Variants in GPT observed in about 807,000 individuals in gnomAD.
The protein encoded by GPT is glutamic--pyruvic transaminase.
GPT carries 60 observed loss-of-function variants against 51.4 expected under a neutral mutation model. The ratio of observed to expected loss-of-function variants is 1.17; its 90% CI spans 0.95 to 1.45. The LOEUF (loss-of-function observed/expected upper bound fraction) is 1.45. Ranked by LOEUF, GPT falls within the 40% of genes most tolerant of loss-of-function variation. GPT has a pLI of 0.00. For synonymous variants in GPT, 397 were observed against 303.1 expected (o/e 1.31, Z -3.22); for missense variants, 853 against 704.0 (o/e 1.21, Z -2.40).
Position 144,505,320 on chromosome 8 carries a change from A to C in GPT, c.570A>C (p.Pro190=), listed in dbSNP as rs768692147. The C allele has an allele frequency of 6.4e-7, 1 of 1,568,488 alleles. No homozygotes were observed. Among genetic ancestry groups the C allele is most frequent in the Non-Finnish European group, 8.6e-7 (1 of 1,157,236 alleles). Reference sequence around the variant, plus strand: ...TGCTCATCCCCATCCCCCAGTACCCACTCTACTCGGCCACGCTGGCAGAGC... The same window carrying C: ...TGCTCATCCCCATCCCCCAGTACCCCCTCTACTCGGCCACGCTGGCAGAGC... ...TGVLIPIPQY[P]LYSATLAELG... The change falls in exon 5 of 11, where the codon CCA becomes CCC. Residue 190 remains proline (P), a synonymous_variant. Coordinates refer to ENST00000394955, the MANE Select transcript of GPT (RefSeq NM_005309.3).
chr8:144,504,218 C>T lies in GPT; in HGVS notation c.-87C>T, dbSNP rs1330239396. On this transcript the variant is annotated 5_prime_UTR_variant, in exon 1 of 11. Transcript: ENST00000394955. Reference sequence around the variant, plus strand: ...TACGGCTGCCCCCTCCCAGCCCTGGCCCACTAAGCCAGACCCAGCTGTCGC... The same window carrying T: ...TACGGCTGCCCCCTCCCAGCCCTGGTCCACTAAGCCAGACCCAGCTGTCGC... 9 of 1,440,802 alleles carry T rather than the reference C, an allele frequency of 6.2e-6. No individual in the cohort carries two copies. Among genetic ancestry groups the T allele is most frequent in the Non-Finnish European group, 8.5e-6 (9 of 1,054,398 alleles). 89.3% of individuals were successfully genotyped at this position (1,440,802 alleles called of 1,614,324 possible). A position where few individuals can be genotyped will look rare whatever the true frequency, so the allele number is the denominator to read the frequency against.
chr8:144,507,114 G>GGGGGGGC lies in GPT; in HGVS notation c.*114_*115insGGGGGGC. 1 of 498,332 alleles carries GGGGGGGC rather than the reference G, an allele frequency of 2.0e-6. No homozygotes were observed. The highest frequency in any genetic ancestry group is 3.9e-6 in the Non-Finnish European group (1 of 254,518). The allele number at this position is 498,332 out of a possible 1,614,324, so 30.9% of individuals were successfully genotyped here. ...TGCCTGGCGGGGTGGGGTGGGGGGG[G>GGGGGGGC]TGCTGGGCCCCTGCCTCTCTGCAGG... On this transcript the variant is annotated 3_prime_UTR_variant, in exon 11 of 11. Coordinates refer to ENST00000394955, the MANE Select transcript of GPT (RefSeq NM_005309.3).
At chr8:144,504,051 G>A (rs1023805542), upstream of GPT, 50 of 562,996 alleles carry the variant, frequency 8.9e-5, no homozygotes, top group South Asian at 2.4e-4. Flanking sequence ...CTCACCCACT[G>A]CCTCTGCCTC....
Position 144,506,272 on chromosome 8 carries a change from G to A in GPT, c.997G>A (p.Asp333Asn), listed in dbSNP as rs764484724. 4 of 1,605,346 alleles carry A rather than the reference G, an allele frequency of 2.5e-6. No homozygotes were observed. Among genetic ancestry groups the A allele is most frequent in the East Asian group, 4.5e-5 (2 of 44,738 alleles). Residue 333 changes from aspartate (D) to asparagine (N), a missense_variant, in exon 8 of 11, where the codon GAC (aspartate) becomes AAC (asparagine). Coordinates refer to ENST00000394955, the MANE Select transcript of GPT (RefSeq NM_005309.3). This position sits in a 1 kb window ranked among gnomAD's most constrained non-coding sequence, Gnocchi z 7.0. ...CGGCTATGTGGAGGTGGTGAACATG[G>A]ACGCTGCAGTGCAGCAGCAGATGCT... ...RGGYVEVVNM[D>N]AAVQQQMLKL...
chr8:144,506,854 G>A lies in GPT; in HGVS notation c.1400+11G>A, dbSNP rs1406125387. ...CACCTACCACTTCCGGTGAGGCCTG[G>A]CCCTCACTCCCTGTCCCGCCACCCT... On this transcript the variant is annotated intron_variant, in intron 10 of 10. Coordinates refer to ENST00000394955, the MANE Select transcript of GPT (RefSeq NM_005309.3). This position sits in a 1 kb window ranked among gnomAD's most constrained non-coding sequence, Gnocchi z 7.0. 6.8e-6 allele frequency: 11 copies of A among 1,612,328 alleles called. No homozygotes were observed. Among genetic ancestry groups the A allele is most frequent in the Non-Finnish European group, 9.3e-6 (11 of 1,179,610 alleles).
chr8:144,504,157 T>C lies in GPT; in HGVS notation c.-148T>C. 2.5e-6 allele frequency: 2 copies of C among 814,270 alleles called. No individual in the cohort carries two copies. The highest frequency in any genetic ancestry group is 1.7e-5 in the African/African-American group (1 of 59,686). The allele number at this position is 814,270 out of a possible 1,614,324, so 50.4% of individuals were successfully genotyped here. On this transcript the variant is annotated 5_prime_UTR_variant, in exon 1 of 11. Coordinates refer to ENST00000394955, the MANE Select transcript of GPT (RefSeq NM_005309.3). ...TCCCTCCCAGTGAGGCCAGCTGCGG[T>C]GAAGAGGGTGCTCTCTTGCCTGGAG...
chr8:144,506,861 C>T lies in GPT; in HGVS notation c.1400+18C>T. The T allele has an allele frequency of 6.2e-7, 1 of 1,612,042 alleles. No individual in the cohort carries two copies. Among genetic ancestry groups the T allele is most frequent in the African/African-American group, 1.3e-5 (1 of 75,042 alleles). On this transcript the variant is annotated intron_variant, in intron 10 of 10. Coordinates refer to ENST00000394955, the MANE Select transcript of GPT (RefSeq NM_005309.3). The surrounding 1 kb of genome is among the most constrained non-coding windows in gnomAD (Gnocchi z 7.0). ...CACTTCCGGTGAGGCCTGGCCCTCACTCCCTGTCCCGCCACCCTGGCCCTT... is the reference window on the plus strand; with the variant it reads ...CACTTCCGGTGAGGCCTGGCCCTCATTCCCTGTCCCGCCACCCTGGCCCTT...
chr8:144,506,429 T>C lies in GPT; in HGVS notation c.1131+23T>C. On this transcript the variant is annotated intron_variant, in intron 8 of 10. Transcript: ENST00000394955. This position sits in a 1 kb window ranked among gnomAD's most constrained non-coding sequence, Gnocchi z 7.0. ...GCTGTGAGTTGGGGGCAGGAGGGGG[T>C]CCAGGTGACCTAATCAGGGGTGGGG... 5 of 1,561,938 alleles carry C rather than the reference T, an allele frequency of 3.2e-6. No homozygotes were observed. Among genetic ancestry groups the C allele is most frequent in the Non-Finnish European group, 3.5e-6 (4 of 1,155,378 alleles).
rs1409208148 is a variant in GPT at position 144,505,070 on chromosome 8, G to A, written c.434G>A (p.Gly145Glu). 1.9e-6 allele frequency: 3 copies of A among 1,613,188 alleles called. No homozygotes were observed. Among genetic ancestry groups the A allele is most frequent in the Non-Finnish European group, 2.5e-6 (3 of 1,180,004 alleles). Residue 145 changes from glycine to glutamate, a missense_variant, in exon 4 of 11, where the codon GGA becomes GAA. Transcript: ENST00000394955. ...GCGCGGTACATTGAGAGGCGTGACG[G>A]AGGCATCCCTGCGGACCCCAACAAC... ...DVARYIERRD[G>E]GIPADPNNVF...
rs772253546 is a variant in GPT at position 144,504,801 on chromosome 8, C to T, written c.283C>T (p.Leu95=). 1 of 1,613,580 alleles carries T rather than the reference C, an allele frequency of 6.2e-7. No homozygotes were observed. Among genetic ancestry groups the T allele is most frequent in the South Asian group, 1.1e-5 (1 of 91,080 alleles). The change falls in exon 3 of 11, where the codon CTG becomes TTG. Residue 95 remains leucine, a synonymous_variant. Transcript: ENST00000394955. ...GGCCCTCTGTGTTAACCCTGATCTT[C>T]TGAGCAGCCCCAACTTCCCTGACGA... ...VLALCVNPDL[L]SSPNFPDDAK... is the part of the protein sequence containing the mutation.
chr8:144,504,357 C>A lies in GPT; in HGVS notation c.53C>A (p.Ala18Glu), dbSNP rs747432300. The change falls in exon 1 of 11, where the codon GCG becomes GAG. Residue 18 changes from alanine (A) to glutamate (E), a missense_variant. By Grantham distance (107) the Ala-to-Glu change is moderately radical (BLOSUM62 -1). Coordinates refer to ENST00000394955, the MANE Select transcript of GPT (RefSeq NM_005309.3). ...CAGGCGGTGAGGCATGGACTGAGGGCGAAGGTGCTGACGCTGGACGGCATG... is the reference window on the plus strand; with the variant it reads ...CAGGCGGTGAGGCATGGACTGAGGGAGAAGGTGCTGACGCTGGACGGCATG... ...RSQAVRHGLR[A>E]KVLTLDGMNP... 1.2e-6 allele frequency: 2 copies of A among 1,611,206 alleles called. No homozygotes were observed. The highest frequency in any genetic ancestry group is 4.5e-5 in the East Asian group (2 of 44,886).
Position 144,504,628 on chromosome 8 carries a change from G to A in GPT, c.187G>A (p.Val63Ile), listed in dbSNP as rs768259380. 1.2e-6 allele frequency: 2 copies of A among 1,613,230 alleles called. No individual in the cohort carries two copies. Among genetic ancestry groups the A allele is most frequent in the Non-Finnish European group, 1.7e-6 (2 of 1,179,990 alleles). The change falls in exon 2 of 11, where the codon GTC (valine) becomes ATC (isoleucine). Residue 63 changes from valine (V) to isoleucine (I), a missense_variant. Physicochemically the swap from Val to Ile is conservative, Grantham distance 29. Coordinates refer to ENST00000394955, the MANE Select transcript of GPT (RefSeq NM_005309.3). ...GGGTGTGAAGAAGCCTTTCACCGAGGTCATCCGTGCCAACATCGGGGACGC... is the reference window on the plus strand; with the variant it reads ...GGGTGTGAAGAAGCCTTTCACCGAGATCATCCGTGCCAACATCGGGGACGC... Reference protein sequence around the residue: ...RQGVKKPFTEVIRANIGDAQA... With the variant: ...RQGVKKPFTEIIRANIGDAQA...
upstream of GPT, among the ~76,000 whole-genome samples, chr8:144,503,408 A>G (rs1425087745): frequency 6.6e-6 from 1 of 152,126 alleles, no homozygotes; most frequent in Non-Finnish European, 1.5e-5. Context: ...AGAGGGCTGG[A>G]GAGCTCAGGT....
chr8:144,505,951 A>G, intron 6 of GPT, 24 bp downstream of exon 6: 1 of 1,611,808 alleles, frequency 6.2e-7, no homozygotes, highest in Non-Finnish European at 8.5e-7. Context: ...GGGAGCGGGA[A>G]GCCGGGCAAC....
At chr8:144,505,515 C>A in intron 5 of GPT, 26 bp downstream of exon 5, 3 of 1,509,822 alleles carry the variant, frequency 2.0e-6, no homozygotes, top group Non-Finnish European at 8.8e-7. Context: ...CCCCGCCCCA[C>A]TCCCCCCGCG....
At position 144,506,749 on chromosome 8, in the gene GPT, G is replaced by A. The variant is rs745741227; in HGVS notation, c.1306G>A (p.Asp436Asn). ...TCCACAGGAGCTGGGCCTGGCCCCC[G>A]ATATGTTCTTCTGCCTGCGCCTCCT... ...ERAQELGLAP[D>N]MFFCLRLLEE... is the part of the protein sequence containing the mutation. Residue 436 changes from aspartate to asparagine, a missense_variant, in exon 10 of 11, where the codon GAT becomes AAT. By Grantham distance (23) the Asp-to-Asn change is conservative (BLOSUM62 1). Transcript: ENST00000394955. The surrounding 1 kb of genome is among the most constrained non-coding windows in gnomAD (Gnocchi z 7.0). 6 of 1,611,770 alleles carry A rather than the reference G, an allele frequency of 3.7e-6. No homozygotes were observed. The highest frequency in any genetic ancestry group is 3.3e-5 in the South Asian group (3 of 91,066).
At chr8:144,505,746 C>T in intron 5 of GPT, 102 bp from the exon 6 acceptor site, 2 of 1,127,048 alleles carry the variant, frequency 1.8e-6, no homozygotes, top group Middle Eastern at 2.8e-4. Context: ...CCCACGTGCG[C>T]CCTGGCCCAG....
rs1264681828 is a variant in GPT at position 144,506,228 on chromosome 8, G to A, written c.957-4G>A. 3 of 1,606,592 alleles carry A rather than the reference G, an allele frequency of 1.9e-6. No homozygotes were observed. Among genetic ancestry groups the A allele is most frequent in the South Asian group, 1.1e-5 (1 of 90,634 alleles). On this transcript the variant is annotated splice_region_variant and splice_polypyrimidine_tract_variant and intron_variant, in intron 7 of 10. Transcript: ENST00000394955. This position sits in a 1 kb window ranked among gnomAD's most constrained non-coding sequence, Gnocchi z 7.0. ...TCCTCCGCACCTGACCTGGCCGTGC[G>A]CAGGTGCGGGTTCCGCGGCGGCTAT...
At chr8:144,503,431 C>T (rs1055426000), upstream of GPT, among the ~76,000 whole-genome samples, 7 of 152,136 alleles carry the variant, frequency 4.6e-5, no homozygotes, top group East Asian at 1.9e-4. Context: ...CCCCTAGCCT[C>T]GGGTGTGTCC....
Sources: gnomAD v4.1 joint callset for allele counts (sites outside exome capture counted in the v4.1 genomes callset) on GRCh38, gnomAD v4.1.1 for gene constraint, Gnocchi (gnomAD v3.1) non-coding constraint, MANE v1.5 for transcripts, NCBI Gene and HGNC (gene_info 2026-07-23, HGNC 2026-07-21) for gene names.